The following DYTN variants were observed in gnomAD, a reference collection of about 807,000 sequenced individuals.
The protein encoded by DYTN is dystrotelin.
DYTN carries 75 observed loss-of-function variants against 69.6 expected under a neutral mutation model. The ratio of observed to expected loss-of-function variants is 1.08; its 90% CI spans 0.89 to 1.31. The LOEUF (loss-of-function observed/expected upper bound fraction) is 1.31, where lower values mean the gene tolerates loss of function less well. Among genes scored for constraint, DYTN ranks in the 50% most tolerant of loss-of-function variants. DYTN has a pLI of 0.00. For synonymous variants in DYTN, 252 were observed against 249.1 expected, an observed-to-expected ratio of 1.01 and a Z score of -0.11; for missense variants, 726 against 688.4, an observed-to-expected ratio of 1.05 and a Z score of -0.61.
In DYTN at chr2:206,699,761, T is replaced by A. The variant is rs1699956318; in HGVS notation, c.685A>T (p.Thr229Ser). Residue 229 changes from threonine (T) to serine (S), a missense_variant, in exon 7 of 12, where the codon ACT becomes TCT. By Grantham distance (58) the Thr-to-Ser change is moderately conservative. Transcript: ENST00000452335. ...GTGATTGGGAAAGTCCTGCAGAGAGTGCACCGAGCAGGGTGAGTGACCCTT... is the reference window on the plus strand; with the variant it reads ...GTGATTGGGAAAGTCCTGCAGAGAGAGCACCGAGCAGGGTGAGTGACCCTT... ...AERVTHPARCTLCRTFPITGL... is the reference protein window; with the variant it reads ...AERVTHPARCSLCRTFPITGL... 1 of 1,613,394 alleles carries A rather than the reference T, an allele frequency of 6.2e-7. No homozygotes were observed. Among genetic ancestry groups the A allele is most frequent in the South Asian group, 1.1e-5 (1 of 91,052 alleles).
chr2:206,671,409 C>CT (rs1301575244), intron 9 of DYTN, among the ~76,000 whole-genome samples: 1 of 152,230 alleles, frequency 6.6e-6, no homozygotes, highest in African/African-American at 2.4e-5. Context: ...TTTGCAGCCC[C>CT]TTTGAGTGAA....
intron 1 of DYTN, among the ~76,000 whole-genome samples, chr2:206,717,344 G>T (rs16838688): frequency 0.24 from 36,491 of 152,050 alleles, 4,667 homozygotes; most frequent in African/African-American, 0.32. Flanking sequence ...AATAGATGCT[G>T]TAGGCCAGTG....
chr2:206,690,763 G>T (rs1013972597), intron 9 of DYTN, among the ~76,000 whole-genome samples: 2 of 152,176 alleles, frequency 1.3e-5, no homozygotes, highest in Non-Finnish European at 2.9e-5. Context: ...ACATTAATCA[G>T]ATAGTTAGAT....
At chr2:206,692,469 C>T (rs1033953181) in intron 9 of DYTN, among the ~76,000 whole-genome samples, 1 of 152,070 alleles carries the variant, frequency 6.6e-6, no homozygotes, top group Non-Finnish European at 1.5e-5. Flanking sequence ...GAGGATTAAC[C>T]AAGTTCGCAA....
chr2:206,672,449 A>T (rs1404019161), intron 9 of DYTN, among the ~76,000 whole-genome samples: 1 of 152,148 alleles, frequency 6.6e-6, no homozygotes, highest in African/African-American at 2.4e-5. Flanking sequence ...GTAGCTCCTT[A>T]TTTGTCCTCA....
chr2:206,657,264 T>C (rs1699460847), intron 11 of DYTN, among the ~76,000 whole-genome samples: 1 of 152,088 alleles, frequency 6.6e-6, no homozygotes, highest in South Asian at 2.1e-4. Flanking sequence ...TAGGCATGCG[T>C]CACCACACCA....
Position 206,693,340 on chromosome 2 carries a change from C to T in DYTN, c.832-17G>A. The T allele has an allele frequency of 3.7e-6, 6 of 1,608,158 alleles. No individual in the cohort carries two copies. Among genetic ancestry groups the T allele is most frequent in the Non-Finnish European group, 5.1e-6 (6 of 1,178,996 alleles). On this transcript the variant is annotated splice_polypyrimidine_tract_variant and intron_variant, in intron 8 of 11. Coordinates refer to ENST00000452335, the MANE Select transcript of DYTN (RefSeq NM_001093730.1). The stretch of plus-strand genomic sequence containing the variant: ...TGCTGACATCTGCTGAAAGGGCCAA[C>T]ATTTTTAAAAAGCGTCAGATCAGTC...
intron 11 of DYTN, among the ~76,000 whole-genome samples, chr2:206,654,819 T>C (rs751204657): frequency 3.5e-4 from 53 of 152,372 alleles, no homozygotes; most frequent in Non-Finnish European, 5.4e-4. Flanking sequence ...TTGATACTTT[T>C]GAGTGATGGT....
Position 206,663,062 on chromosome 2 carries a change from G to C in DYTN, c.1474C>G (p.Pro492Ala), listed in dbSNP as rs1699530446. 6 of 1,613,700 alleles carry C rather than the reference G, an allele frequency of 3.7e-6. No homozygotes were observed. In the East Asian group the frequency reaches 1.3e-4, roughly 36 times the overall value. Reference protein sequence around the residue: ...SYQEGLKQDIPKMVPAEMSSP... With the variant: ...SYQEGLKQDIAKMVPAEMSSP... ...CTCATTTCAGCAGGAACCATTTTGGGGATGTCCTGCTTCAGTCCCTCCTGA... is the reference window on the plus strand; with the variant it reads ...CTCATTTCAGCAGGAACCATTTTGGCGATGTCCTGCTTCAGTCCCTCCTGA... The change falls in exon 11 of 12, where the codon CCC (proline) becomes GCC (alanine). Residue 492 changes from proline (P) to alanine (A), a missense_variant. Coordinates refer to ENST00000452335, the MANE Select transcript of DYTN (RefSeq NM_001093730.1).
chr2:206,699,996 G>A, intron 6 of DYTN, 106 bp from the exon 7 acceptor site: 2 of 1,537,318 alleles, frequency 1.3e-6, no homozygotes, highest in Non-Finnish European at 1.8e-6. Flanking sequence ...GTTTATCATA[G>A]GAAAAGCTGG....
intron 11 of DYTN, among the ~76,000 whole-genome samples, chr2:206,655,540 G>C (rs1160110508): frequency 6.6e-6 from 1 of 151,882 alleles, no homozygotes; most frequent in East Asian, 1.9e-4. Flanking sequence ...CTCTTGAGTA[G>C]CTGGGACTGC....
At chr2:206,685,239 G>A (rs1374483688) in intron 9 of DYTN, among the ~76,000 whole-genome samples, 1 of 151,980 alleles carries the variant, frequency 6.6e-6, no homozygotes, top group Non-Finnish European at 1.5e-5. Context: ...ACTGCTCACT[G>A]TAGCCTCGAC....
intron 1 of DYTN, among the ~76,000 whole-genome samples, chr2:206,714,493 C>T (rs551019990): frequency 6.6e-6 from 1 of 152,328 alleles, no homozygotes; most frequent in South Asian, 2.1e-4. Context: ...TGAGCCACTG[C>T]GTAAAGACGG....
intron 9 of DYTN, among the ~76,000 whole-genome samples, chr2:206,667,277 C>T (rs919461263): frequency 3.3e-5 from 5 of 152,136 alleles, no homozygotes; most frequent in Non-Finnish European, 7.3e-5. Flanking sequence ...ATATGGAGCT[C>T]CTCGCTCCTC....
intron 10 of DYTN, among the ~76,000 whole-genome samples, chr2:206,665,188 T>G (rs544659232): frequency 6.6e-6 from 1 of 152,326 alleles, no homozygotes; most frequent in African/African-American, 2.4e-5. Context: ...TTACAAAAAT[T>G]CAGCTGTCTT....
intron 9 of DYTN, among the ~76,000 whole-genome samples, chr2:206,670,740 C>A (rs1035704994): frequency 2.0e-5 from 3 of 152,120 alleles, no homozygotes; most frequent in Admixed American, 2.0e-4. Context: ...GCTCAAAGTA[C>A]AACTGCATAT....
intron 2 of DYTN, 119 bp downstream of exon 2, chr2:206,710,405 T>C: frequency 2.1e-6 from 2 of 946,282 alleles, no homozygotes; most frequent in Non-Finnish European, 3.1e-6. Context: ...AATGCACAAG[T>C]CCAGACTTCC....
At chr2:206,691,853 G>A (rs984337203) in intron 9 of DYTN, among the ~76,000 whole-genome samples, 2 of 152,196 alleles carry the variant, frequency 1.3e-5, no homozygotes, top group African/African-American at 4.8e-5. Context: ...GAGATTTGCT[G>A]CTGGATGTCT....
intron 4 of DYTN, 45 bp from the exon 5 acceptor site, chr2:206,704,988 G>A (rs1700011632): frequency 1.3e-6 from 2 of 1,490,346 alleles, no homozygotes; most frequent in Non-Finnish European, 1.9e-6. Context: ...TACTTGCAAT[G>A]TATCTTTGAA....
Sources: gnomAD v4.1 joint callset for allele counts (sites outside exome capture counted in the v4.1 genomes callset) on GRCh38, gnomAD v4.1.1 for gene constraint, MANE v1.5 for transcripts, NCBI Gene and HGNC (gene_info 2026-07-23, HGNC 2026-07-21) for gene names.